The following KIAA1549L variants were observed in gnomAD, a reference collection of about 807,000 sequenced individuals.
KIAA1549L encodes the protein UPF0606 protein KIAA1549L.
KIAA1549L carries 88 observed loss-of-function variants against 160.7 expected under a neutral mutation model. The observed-to-expected ratio is 0.55, with a 90% CI of 0.46 to 0.65. KIAA1549L has a LOEUF of 0.65. Ranked by LOEUF, KIAA1549L falls within the 30% of genes least tolerant of loss-of-function variation. KIAA1549L has a pLI of 0.00. For missense variants in KIAA1549L, 2,258 were observed against 2,437.5 expected (o/e 0.93, Z 1.55); for synonymous variants, 950 against 976.7 (o/e 0.97, Z 0.51).
At chr11:33,581,267 G>A (rs1855633141) in intron 10 of KIAA1549L, among the ~76,000 whole-genome samples, 1 of 152,212 alleles carries the variant, frequency 6.6e-6, no homozygotes, top group Non-Finnish European at 1.5e-5. Context: ...TTGAGACATA[G>A]GTGACGGCCA....
chr11:33,556,353 T>C (rs188499860), intron 6 of KIAA1549L, among the ~76,000 whole-genome samples: 29 of 152,300 alleles, frequency 1.9e-4, no homozygotes, highest in African/African-American at 7.0e-4. Context: ...CAGGTATTTA[T>C]ACACCCATGT....
At chr11:33,550,489 G>GA (rs1293716842) in intron 4 of KIAA1549L, among the ~76,000 whole-genome samples, 2 of 152,174 alleles carry the variant, frequency 1.3e-5, no homozygotes, top group Non-Finnish European at 2.9e-5. Flanking sequence ...AGCTGTCAGA[G>GA]AAATTCTCTG....
chr11:33,645,871 C>CCA lies in KIAA1549L; in HGVS notation c.5597_5598dup (p.Ala1867ThrfsTer23). Reference sequence around the variant, plus strand: ...AGGCCTTCAGCCTGGCATCCGCGGGCCACGCAGGCCAGAGCCGGCACCAAG... The same window carrying CCA: ...AGGCCTTCAGCCTGGCATCCGCGGGCCACACGCAGGCCAGAGCCGGCACCAAG... On this transcript the variant is annotated frameshift_variant, in exon 17 of 21. Coordinates refer to ENST00000658780, the MANE Select transcript of KIAA1549L (RefSeq NM_012194.3). LOFTEE classifies it high-confidence loss of function. The CCA allele has an allele frequency of 6.2e-7, 1 of 1,613,836 alleles. No individual in the cohort carries two copies. The highest frequency in any genetic ancestry group is 8.5e-7 in the Non-Finnish European group (1 of 1,179,860).
intron 16 of KIAA1549L, among the ~76,000 whole-genome samples, chr11:33,622,610 C>T (rs992790554): frequency 1.3e-5 from 2 of 152,110 alleles, no homozygotes; most frequent in African/African-American, 2.4e-5. Flanking sequence ...CTGACAGGAC[C>T]GAAGTCTCAT....
chr11:33,587,052 CATCTGTAAAATGGAGATATAACAATA>C (rs1385341956), intron 11 of KIAA1549L, among the ~76,000 whole-genome samples: 1 of 152,114 alleles, frequency 6.6e-6, no homozygotes, highest in Admixed American at 6.5e-5. Flanking sequence ...TCAATTTTTC[CATCTGTAAAATGGAGATATAACAATA>C]ATCGTATAGA....
chr11:33,556,847 C>T (rs1402683877), intron 6 of KIAA1549L, among the ~76,000 whole-genome samples: 1 of 152,114 alleles, frequency 6.6e-6, no homozygotes, highest in Non-Finnish European at 1.5e-5. Context: ...GAACGATACA[C>T]TTAAAATGGT....
At chr11:33,624,953 CTGTGTCCA>C (rs934057654) in intron 16 of KIAA1549L, among the ~76,000 whole-genome samples, 2 of 138,016 alleles carry the variant, frequency 1.4e-5, no homozygotes, top group African/African-American at 5.4e-5. Flanking sequence ...GTTCCCCTTT[CTGTGTCCA>C]TGTGTTCTCA....
intron 1 of KIAA1549L, among the ~76,000 whole-genome samples, chr11:33,497,924 C>G (rs78075128): frequency 0.012 from 1,852 of 152,266 alleles, 44 homozygotes; most frequent in African/African-American, 0.042. Flanking sequence ...AATCCCAGTT[C>G]TGTCATTTGC....
chr11:33,650,953 A>G (rs1292052617), intron 17 of KIAA1549L, among the ~76,000 whole-genome samples: 2 of 151,970 alleles, frequency 1.3e-5, no homozygotes, highest in African/African-American at 4.8e-5. Context: ...TTTTGATGAG[A>G]CTTATGTCCT....
At chr11:33,473,875 G>A (rs1852232712) in intron 1 of KIAA1549L, among the ~76,000 whole-genome samples, 1 of 152,132 alleles carries the variant, frequency 6.6e-6, no homozygotes, top group African/African-American at 2.4e-5. Flanking sequence ...ACTATAAAGG[G>A]ATACCTGAGG....
At chr11:33,442,903 T>C (rs1851538164) in intron 1 of KIAA1549L, among the ~76,000 whole-genome samples, 1 of 152,186 alleles carries the variant, frequency 6.6e-6, no homozygotes, top group African/African-American at 2.4e-5. Context: ...TTTCTTTAGG[T>C]CCATCTTATG....
At chr11:33,536,488 G>C (rs1317383047) in intron 1 of KIAA1549L, among the ~76,000 whole-genome samples, 1 of 152,182 alleles carries the variant, frequency 6.6e-6, no homozygotes, top group Non-Finnish European at 1.5e-5. Context: ...CTCACAGAGT[G>C]GGGGCTGGCT....
chr11:33,458,683 G>T (rs369934526), intron 1 of KIAA1549L, among the ~76,000 whole-genome samples: 1 of 152,190 alleles, frequency 6.6e-6, no homozygotes, highest in Non-Finnish European at 1.5e-5. Context: ...AGTATTCAGG[G>T]TACAGGAAAT....
Position 33,464,514 on chromosome 11 carries a change from G to A in KIAA1549L, c.239-77288G>A, listed in dbSNP as rs146967921. On this transcript the variant is annotated intron_variant, in intron 1 of 20. Transcript: ENST00000658780. Reference sequence around the variant, plus strand: ...TGTGTGTGTGTGTGTGTGTGTGTGCGTGCGCGCATGCCCCCCCCCACACAC... The same window carrying A: ...TGTGTGTGTGTGTGTGTGTGTGTGCATGCGCGCATGCCCCCCCCCACACAC... Among the ~76,000 whole-genome samples the A allele has an allele frequency of 7.9e-3, 1,045 of 132,476 alleles. 14 individuals are homozygous for A. The highest frequency in any genetic ancestry group is 0.028 in the African/African-American group (1,003 of 35,850). The allele number at this position is 132,476 out of a possible 152,430, so 86.9% of individuals were successfully genotyped here.
At chr11:33,483,665 G>GA (rs939226279) in intron 1 of KIAA1549L, among the ~76,000 whole-genome samples, 9 of 152,094 alleles carry the variant, frequency 5.9e-5, no homozygotes, top group Non-Finnish European at 1.2e-4. Context: ...GGAGATAACT[G>GA]AATCATGGGG....
At chr11:33,408,850 C>T (rs150259527) in intron 1 of KIAA1549L, among the ~76,000 whole-genome samples, 59 of 144,340 alleles carry the variant, frequency 4.1e-4, no homozygotes, top group African/African-American at 1.2e-3. Flanking sequence ...CTCGGGAGGG[C>T]GAGGCAGGTG....
At chr11:33,517,539 T>C (rs1457214377) in intron 1 of KIAA1549L, among the ~76,000 whole-genome samples, 1 of 152,204 alleles carries the variant, frequency 6.6e-6, no homozygotes, top group Non-Finnish European at 1.5e-5. Context: ...AAAGGGGTAG[T>C]GCCCTAAGCA....
intron 1 of KIAA1549L, among the ~76,000 whole-genome samples, chr11:33,525,288 C>T (rs187180146): frequency 6.6e-5 from 10 of 152,296 alleles, no homozygotes; most frequent in Non-Finnish European, 8.8e-5. Flanking sequence ...TGACACACAT[C>T]CCCACTGGAG....
rs188156120 is a variant in KIAA1549L at position 33,664,296 on chromosome 11, A to T, written c.6159+3282A>T. On this transcript the variant is annotated intron_variant, in intron 20 of 20. Coordinates refer to ENST00000658780, the MANE Select transcript of KIAA1549L (RefSeq NM_012194.3). ...CCCTACCTCCAGTGGGTCCACCTCC[A>T]GGTGTCCTTTCCAAATATAGACTCC... Among the ~76,000 whole-genome samples, 51 of 152,192 alleles carry T rather than the reference A, an allele frequency of 3.4e-4. 1 individual carries two copies. Among genetic ancestry groups the T allele is most frequent in the Non-Finnish European group, 1.0e-4 (7 of 68,008 alleles).
Sources: gnomAD v4.1 joint callset for allele counts (sites outside exome capture counted in the v4.1 genomes callset) on GRCh38, gnomAD v4.1.1 for gene constraint, MANE v1.5 for transcripts, NCBI Gene and HGNC (gene_info 2026-07-23, HGNC 2026-07-21) for gene names.